The following MORN3 variants were observed in gnomAD, a reference collection of about 807,000 sequenced individuals.
MORN3 encodes the protein MORN repeat containing 3.
MORN3 carries 38 observed loss-of-function variants against 34.7 expected under a neutral mutation model. That is an observed-to-expected ratio of 1.10 (90% CI 0.85 to 1.44). The LOEUF is 1.44. Among genes scored for constraint, MORN3 ranks in the 40% most tolerant of loss-of-function variants. The pLI is 0.00. For missense variants in MORN3, 311 were observed against 321.7 expected (o/e 0.97, Z 0.25); for synonymous variants, 109 against 115.3 (o/e 0.95, Z 0.35).
chr12:121,668,963 G>C (rs1321304054), intron 1 of MORN3, among the ~76,000 whole-genome samples: 1 of 152,090 alleles, frequency 6.6e-6, no homozygotes, highest in Non-Finnish European at 1.5e-5. Flanking sequence ...AGCTGAATGC[G>C]AAGCCCAGAA....
At chr12:121,656,443 C>G (rs941459390) in intron 2 of MORN3, among the ~76,000 whole-genome samples, 9 of 152,048 alleles carry the variant, frequency 5.9e-5, no homozygotes, top group African/African-American at 1.9e-4. Context: ...CCTGCCTCAG[C>G]CTTTTGAAAA....
chr12:121,663,199 CTT>C lies in MORN3; in HGVS notation c.146-3853_146-3852del, dbSNP rs34572988. Among the ~76,000 whole-genome samples the C allele has an allele frequency of 5.5e-3, 769 of 139,948 alleles. 6 individuals carry two copies. The highest frequency in any genetic ancestry group is 0.019 in the African/African-American group (728 of 38,246). 91.8% of individuals were successfully genotyped at this position (139,948 alleles called of 152,430 possible). ...TGTACTAATAATTTCGAAATGTAGACTTTTTTTTTTTTTTTTGAGACAGAGTT... is the reference window on the plus strand; with the variant it reads ...TGTACTAATAATTTCGAAATGTAGACTTTTTTTTTTTTTTGAGACAGAGTT... On this transcript the variant is annotated intron_variant, in intron 1 of 5. Coordinates refer to ENST00000355329, the MANE Select transcript of MORN3 (RefSeq NM_173855.5).
At position 121,653,079 on chromosome 12, in the gene MORN3, G is replaced by T; in HGVS notation, c.644C>A (p.Pro215His). The change falls in exon 4 of 6, where the codon CCT becomes CAT. Residue 215 changes from proline (P) to histidine (H), a missense_variant. Pro to His is a moderately conservative substitution (Grantham distance 77). Coordinates refer to ENST00000355329, the MANE Select transcript of MORN3 (RefSeq NM_173855.5). ...GCCCTGGTGAGGGCTGCCCACCTCA[G>T]GAATGGGGAACTGAGTGGGCTCAGG... ...EAPEPTQFPI[P>H]EVKILDPDGV... 6.2e-7 allele frequency: 1 copy of T among 1,609,854 alleles called. No individual in the cohort carries two copies. The highest frequency in any genetic ancestry group is 8.5e-7 in the Non-Finnish European group (1 of 1,178,332).
intron 1 of MORN3, among the ~76,000 whole-genome samples, chr12:121,660,244 GA>G (rs898498063): frequency 4.1e-5 from 6 of 147,068 alleles, no homozygotes; most frequent in African/African-American, 1.5e-4. Flanking sequence ...GGAGACGAGC[GA>G]AACTCCATCT....
At chr12:121,658,428 T>TGGTGGCGGGCGC (rs1240681380) in intron 2 of MORN3, among the ~76,000 whole-genome samples, 2 of 151,574 alleles carry the variant, frequency 1.3e-5, no homozygotes, top group Non-Finnish European at 2.9e-5. Context: ...TAGCCGGGCG[T>TGGTGGCGGGCGC]GGTGGCGGGC....
chr12:121,654,337 C>T lies in MORN3; in HGVS notation c.400G>A (p.Gly134Ser), dbSNP rs1555325467. ...TCCCACTGTCCCTCGTAGATGTCGC[C>T]GTTGCTGTAATACATGCGGCCCCAC... is the stretch of plus-strand genomic sequence containing the variant. ...SGWGRMYYSN[G>S]DIYEGQWEND... Residue 134 changes from glycine (G) to serine (S), a missense_variant, in exon 3 of 6, where the codon GGC (glycine) becomes AGC (serine). Transcript: ENST00000355329. 2.5e-6 allele frequency: 4 copies of T among 1,603,166 alleles called. No homozygotes were observed. The highest frequency in any genetic ancestry group is 1.3e-5 in the African/African-American group (1 of 74,946).
chr12:121,669,424 C>G lies in MORN3; in HGVS notation c.60G>C (p.Lys20Asn), dbSNP rs770953532. ...GGCTCCGCAGGCCGTTCCTCTGGGC[C>G]TTCCGGTCCCACCCCTTCCACAGGG... ...SESLWKGWDRKAQRNGLRSQV... is the reference protein window; with the variant it reads ...SESLWKGWDRNAQRNGLRSQV... The change falls in exon 1 of 6, where the codon AAG becomes AAC. Residue 20 changes from lysine to asparagine, a missense_variant. Physicochemically the swap from Lys to Asn is moderately conservative, Grantham distance 94. Coordinates refer to ENST00000355329, the MANE Select transcript of MORN3 (RefSeq NM_173855.5). 5.0e-6 allele frequency: 8 copies of G among 1,614,138 alleles called. No individual in the cohort carries two copies. The highest frequency in any genetic ancestry group is 5.9e-6 in the Non-Finnish European group (7 of 1,179,978).
Position 121,654,262 on chromosome 12 carries a change from T to TGGGGGGGGGGGGGGGGCCGGGGGGGGGG in MORN3, c.463+11_463+12insCCCCCCCCCCGGCCCCCCCCCCCCCCCC. ...GTCGGGTGGGCGGGGCCGGCGGGGGTGGGGCACTCACTCAGGCGCAGCATG... is the reference window on the plus strand; with the variant it reads ...GTCGGGTGGGCGGGGCCGGCGGGGGTGGGGGGGGGGGGGGGGCCGGGGGGGGGGGGGGCACTCACTCAGGCGCAGCATG... On this transcript the variant is annotated intron_variant, in intron 3 of 5. Coordinates refer to ENST00000355329, the MANE Select transcript of MORN3 (RefSeq NM_173855.5). 1 of 1,469,586 alleles carries TGGGGGGGGGGGGGGGGCCGGGGGGGGGG rather than the reference T, an allele frequency of 6.8e-7. No homozygotes were observed. The highest frequency in any genetic ancestry group is 9.0e-7 in the Non-Finnish European group (1 of 1,108,162). The allele number at this position is 1,469,586 out of a possible 1,614,324, so 91.0% of individuals were successfully genotyped here. A position where few individuals can be genotyped will look rare whatever the true frequency, so the allele number is the denominator to read the frequency against.
intron 1 of MORN3, among the ~76,000 whole-genome samples, chr12:121,666,224 A>G (rs138102170): frequency 1.3e-3 from 204 of 151,778 alleles, no homozygotes; most frequent in African/African-American, 4.5e-3. Context: ...GTCTCGCTAT[A>G]TTGCCCAAGC....
In MORN3 at chr12:121,648,936, A is replaced by ATTT; in HGVS notation, c.*2712_*2714dup. On this transcript the variant is annotated 3_prime_UTR_variant, in exon 6 of 6. Transcript: ENST00000355329. ...ATAAACAAGCACACCCTCTTCCAAC[A>ATTT]TTTTTTTTTTTTTTGAGATGGAGTC... 1 of 142,494 alleles carries ATTT rather than the reference A, an allele frequency of 7.0e-6. No individual in the cohort carries two copies. Among genetic ancestry groups the ATTT allele is most frequent in the Non-Finnish European group, 1.5e-5 (1 of 64,706 alleles). The allele number at this position is 142,494 out of a possible 1,614,324, so 8.8% of individuals were successfully genotyped here.
At chr12:121,663,611 C>T (rs1021629502) in intron 1 of MORN3, among the ~76,000 whole-genome samples, 16 of 152,066 alleles carry the variant, frequency 1.1e-4, no homozygotes, top group Admixed American at 1.0e-3. Flanking sequence ...AATTTGTGAG[C>T]AATTACGGGA....
At chr12:121,669,828 AT>A (rs1893896668), upstream of MORN3, among the ~76,000 whole-genome samples, 2 of 117,500 alleles carry the variant, frequency 1.7e-5, no homozygotes, top group African/African-American at 7.6e-5. Context: ...ATATATATAT[AT>A]ATATTTTTTT....
upstream of MORN3, among the ~76,000 whole-genome samples, chr12:121,670,942 C>G (rs1404799025): frequency 2.0e-5 from 3 of 151,184 alleles, no homozygotes; most frequent in Non-Finnish European, 4.4e-5. Flanking sequence ...GAAACCCTGT[C>G]TGTACTAAAA....
At position 121,654,411 on chromosome 12, in the gene MORN3, C is replaced by A; in HGVS notation, c.326G>T (p.Gly109Val). The A allele has an allele frequency of 1.3e-6, 2 of 1,596,302 alleles. No individual in the cohort carries two copies. Among genetic ancestry groups the A allele is most frequent in the Non-Finnish European group, 1.7e-6 (2 of 1,171,594 alleles). The change falls in exon 3 of 6, where the codon GGA becomes GTA. Residue 109 changes from glycine to valine, a missense_variant. By Grantham distance (109) the Gly-to-Val change is moderately radical. Transcript: ENST00000355329. ...KKSGYGIQFFGPKEYYEGDWC... is the reference protein window; with the variant it reads ...KKSGYGIQFFVPKEYYEGDWC... ...GTCACCCTCATAATACTCCTTGGGT[C>A]CGAAAAACTGGATCCCATAACCCTG...
chr12:121,669,822 A>ATATATC (rs1292159348), upstream of MORN3, among the ~76,000 whole-genome samples: 1 of 116,874 alleles, frequency 8.6e-6, no homozygotes, highest in Admixed American at 7.9e-5. Flanking sequence ...ACATATATAT[A>ATATATC]TATATATATA....
upstream of MORN3, among the ~76,000 whole-genome samples, chr12:121,669,813 C>CATATATATATATATAATATATATAT (rs1555327000): frequency 1.1e-4 from 15 of 135,990 alleles, no homozygotes; most frequent in African/African-American, 4.4e-4. Flanking sequence ...GTCATATATA[C>CATATATATATATATAATATATATAT]ATATATATAT....
chr12:121,664,340 A>G (rs972451752), intron 1 of MORN3, among the ~76,000 whole-genome samples: 11 of 152,202 alleles, frequency 7.2e-5, no homozygotes, highest in African/African-American at 2.4e-4. Context: ...TGAGATTTCA[A>G]TATCAGAAGA....
chr12:121,652,153 C>G (rs1053759271), intron 5 of MORN3, among the ~76,000 whole-genome samples: 5 of 152,120 alleles, frequency 3.3e-5, no homozygotes, highest in African/African-American at 7.2e-5. Context: ...CCAAGCTAGT[C>G]TTGAACTCCT....
chr12:121,666,301 G>A (rs970315772), intron 1 of MORN3, among the ~76,000 whole-genome samples: 7 of 151,960 alleles, frequency 4.6e-5, no homozygotes, highest in Non-Finnish European at 4.4e-5. Flanking sequence ...GATTACAGGC[G>A]TGAGCTACCG....
Sources: gnomAD v4.1 joint callset for allele counts (sites outside exome capture counted in the v4.1 genomes callset) on GRCh38, gnomAD v4.1.1 for gene constraint, MANE v1.5 for transcripts, NCBI Gene and HGNC (gene_info 2026-07-23, HGNC 2026-07-21) for gene names.